The following LRCH2 variants were observed in gnomAD, a reference collection of about 807,000 sequenced individuals.
The protein encoded by LRCH2 is leucine rich repeats and calponin homology domain containing 2.
A neutral mutation model predicts 68.9 loss-of-function variants in LRCH2; 38 were observed. The observed-to-expected ratio is 0.55, with a 90% CI of 0.43 to 0.72. The LOEUF (loss-of-function observed/expected upper bound fraction) is 0.72. Ranked by LOEUF, LRCH2 falls within the 30% of genes least tolerant of loss-of-function variation. The probability of loss-of-function intolerance (pLI) is 0.00; values close to 1 mark genes in which losing one functional copy is unlikely to be tolerated. For missense variants in LRCH2, 528 were observed against 572.9 expected, an observed-to-expected ratio of 0.92 and a Z score of 0.80; for synonymous variants, 191 against 208.1, an observed-to-expected ratio of 0.92 and a Z score of 0.71.
At chrX:115,132,678 C>A (rs1391028180) in intron 14 of LRCH2, among the ~76,000 whole-genome samples, 2 of 111,764 alleles carry the variant, frequency 1.8e-5, no homozygotes, top group African/African-American at 3.2e-5. Flanking sequence ...GGTGATCTCA[C>A]ACAGAATCTC....
chrX:115,116,913 TA>T (rs1199891273), intron 20 of LRCH2, among the ~76,000 whole-genome samples: 1 of 110,932 alleles, frequency 9.0e-6, no homozygotes, highest in East Asian at 2.8e-4. Flanking sequence ...CAGCCCATTT[TA>T]AAAAATAAAT....
At chrX:115,190,252 G>T (rs1556556986) in intron 1 of LRCH2, 6 of 1,159,533 alleles carry the variant, frequency 5.2e-6, no homozygotes, top group Non-Finnish European at 5.8e-6. Flanking sequence ...CAGTGTCCCG[G>T]ACTACCGTCC....
At position 115,233,804 on chromosome X, in the gene LRCH2, G is replaced by A. The variant is rs371801202; in HGVS notation, c.238C>T (p.Leu80=). Residue 80 remains leucine (L), a synonymous_variant, in exon 1 of 21, where the codon CTG becomes TTG. Transcript: ENST00000317135. Reference sequence around the variant, plus strand: ...CCCGCCTCTTCCAGGGCCCGGTCCAGGCTCCTCACGGTGTGCTGAGGCTGC... The same window carrying A: ...CCCGCCTCTTCCAGGGCCCGGTCCAAGCTCCTCACGGTGTGCTGAGGCTGC... ...SLQPQHTVRS[L]DRALEEAGSS... is the part of the protein sequence containing the mutation. 3 of 1,170,262 alleles carry A rather than the reference G, an allele frequency of 2.6e-6. No individual in the cohort carries two copies. Among genetic ancestry groups the A allele is most frequent in the Middle Eastern group, 2.3e-4 (1 of 4,273 alleles).
chrX:115,179,843 G>T, intron 3 of LRCH2, 92 bp from the exon 4 acceptor site: 1 of 306,659 alleles, frequency 3.3e-6, no homozygotes, highest in Non-Finnish European at 5.1e-6. Context: ...TAAAGCACAT[G>T]GTTAATAGCT....
chrX:115,223,793 G>A (rs1473588593), intron 1 of LRCH2, among the ~76,000 whole-genome samples: 3 of 109,323 alleles, frequency 2.7e-5, no homozygotes, highest in Non-Finnish European at 5.7e-5. Context: ...AGGCATGGTG[G>A]CACACGCCTG....
At chrX:115,151,842 G>A (rs924519638) in intron 12 of LRCH2, among the ~76,000 whole-genome samples, 6 of 110,942 alleles carry the variant, frequency 5.4e-5, no homozygotes, top group Non-Finnish European at 1.1e-4. Flanking sequence ...CCACATCCCA[G>A]GAGAAAAAAA....
intron 1 of LRCH2, among the ~76,000 whole-genome samples, chrX:115,205,222 T>C (rs2147347506): frequency 8.9e-6 from 1 of 111,796 alleles, no homozygotes; most frequent in African/African-American, 3.3e-5. Flanking sequence ...AATCACCTCC[T>C]ACCAGGTCCC....
At chrX:115,117,776 G>A (rs781973927) in intron 20 of LRCH2, among the ~76,000 whole-genome samples, 35 of 111,291 alleles carry the variant, frequency 3.1e-4, no homozygotes, top group African/African-American at 1.0e-3. Flanking sequence ...CAGATTAGTG[G>A]TTGCTGGAGA....
intron 1 of LRCH2, among the ~76,000 whole-genome samples, chrX:115,222,675 A>G (rs2073093102): frequency 1.8e-5 from 2 of 112,494 alleles, no homozygotes; most frequent in Non-Finnish European, 3.7e-5. Context: ...AAACTACAAA[A>G]TAATTGTTAA....
At chrX:115,147,052 T>G (rs1556536554) in intron 14 of LRCH2, among the ~76,000 whole-genome samples, 1 of 110,106 alleles carries the variant, frequency 9.1e-6, no homozygotes. Flanking sequence ...CGTATTAAGA[T>G]AAAGTTGCAC....
chrX:115,224,455 G>A (rs1469782960), intron 1 of LRCH2, among the ~76,000 whole-genome samples: 1 of 110,858 alleles, frequency 9.0e-6, no homozygotes, highest in Non-Finnish European at 1.9e-5. Context: ...GGCCAAGGCA[G>A]GTGGGTCACC....
At chrX:115,114,203 G>C (rs1018445481) in intron 20 of LRCH2, among the ~76,000 whole-genome samples, 1 of 111,276 alleles carries the variant, frequency 9.0e-6, no homozygotes, top group South Asian at 3.7e-4. Context: ...TGACAAACCT[G>C]TGAAATATAA....
intron 1 of LRCH2, among the ~76,000 whole-genome samples, chrX:115,195,698 G>C (rs1217984980): frequency 9.0e-6 from 1 of 111,504 alleles, no homozygotes; most frequent in East Asian, 2.9e-4. Context: ...AGCCTGTCGT[G>C]GTCAAGACCG....
At chrX:115,186,043 A>C (rs191419270) in intron 2 of LRCH2, among the ~76,000 whole-genome samples, 135 of 112,511 alleles carry the variant, frequency 1.2e-3, no homozygotes, top group African/African-American at 3.9e-3. Context: ...TAGCTTAAAA[A>C]TCAATTTATT....
At chrX:115,118,340 C>T (rs5988223) in intron 20 of LRCH2, among the ~76,000 whole-genome samples, 1,719 of 110,170 alleles carry the variant, frequency 0.016, 34 homozygotes, top group African/African-American at 0.053. Flanking sequence ...GGGGACATCA[C>T]CACTGATCCC....
At position 115,211,971 on chromosome X, in the gene LRCH2, T is replaced by A. The variant is rs147830125; in HGVS notation, c.349+21722A>T. 7.5e-3 allele frequency among the ~76,000 whole-genome samples: 844 copies of A among 112,237 alleles called. 8 individuals carry two copies. The highest frequency in any genetic ancestry group is 0.025 in the African/African-American group (782 of 30,932). On this transcript the variant is annotated intron_variant, in intron 1 of 20. Transcript: ENST00000317135. ...ATTACTTTTCAATATTTTTAACCAA[T>A]TCAATAAACAAGGATTAAAGAAAAT...
At position 115,233,840 on chromosome X, in the gene LRCH2, G is replaced by C. The variant is rs1569518542; in HGVS notation, c.202C>G (p.Pro68Ala). 1 of 1,167,846 alleles carries C rather than the reference G, an allele frequency of 8.6e-7. No homozygotes were observed. Among genetic ancestry groups the C allele is most frequent in the East Asian group, 3.3e-5 (1 of 30,758 alleles). ...GTGTGCTGAGGCTGCAGGCTCCCCG[G>C]GTTCCACGGCGGCCCGTTGGGGAAC... ...QPFPNGPPWN[P>A]GSLQPQHTVR... Residue 68 changes from proline to alanine, a missense_variant, in exon 1 of 21, where the codon CCG (proline) becomes GCG (alanine). Transcript: ENST00000317135.
chrX:115,146,298 T>G (rs1319362668), intron 14 of LRCH2, among the ~76,000 whole-genome samples: 1 of 109,559 alleles, frequency 9.1e-6, no homozygotes, highest in Admixed American at 9.8e-5. Flanking sequence ...AGTGGGGGAG[T>G]AGAGGGTAGG....
intron 14 of LRCH2, among the ~76,000 whole-genome samples, chrX:115,134,311 A>G (rs782667132): frequency 8.9e-6 from 1 of 112,773 alleles, no homozygotes; most frequent in Non-Finnish European, 1.9e-5. Context: ...TAGAAGCTGA[A>G]GCAAGTTATA....
Sources: gnomAD v4.1 joint callset for allele counts (sites outside exome capture counted in the v4.1 genomes callset) on GRCh38, gnomAD v4.1.1 for gene constraint, MANE v1.5 for transcripts, NCBI Gene and HGNC (gene_info 2026-07-23, HGNC 2026-07-21) for gene names.